Variants in TMEM178B observed in about 807,000 individuals in gnomAD.
The protein encoded by TMEM178B is transmembrane protein 178B.
A neutral mutation model predicts 31.0 loss-of-function variants in TMEM178B; 5 were observed. The observed-to-expected ratio is 0.16, with a 90% confidence interval of 0.08 to 0.34. TMEM178B has a LOEUF of 0.34. Ranked by LOEUF, TMEM178B falls within the 10% of genes least tolerant of loss-of-function variation. The pLI, the probability that TMEM178B is intolerant of heterozygous loss-of-function variation, is 1.00. For missense variants in TMEM178B, 275 were observed against 400.3 expected (o/e 0.69, Z 2.67); for synonymous variants, 164 against 164.0 (o/e 1.00, Z 0.00).
In TMEM178B at chr7:141,470,527, G is replaced by C; in HGVS notation, c.635-9G>C. 1 of 1,495,362 alleles carries C rather than the reference G, an allele frequency of 6.7e-7. No individual in the cohort carries two copies. Among genetic ancestry groups the C allele is most frequent in the Non-Finnish European group, 8.9e-7 (1 of 1,124,736 alleles). 92.6% of individuals were successfully genotyped at this position (1,495,362 alleles called of 1,614,324 possible). A position where few individuals can be genotyped will look rare whatever the true frequency, so the allele number is the denominator to read the frequency against. The stretch of plus-strand genomic sequence containing the variant: ...TTCCCCATCCTGTGTCTTTTCCCTT[G>C]TCCTCCAGGAACCTTCTGCATCATT... On this transcript the variant is annotated splice_polypyrimidine_tract_variant and intron_variant, in intron 3 of 3. Transcript: ENST00000565468.
intron 1 of TMEM178B, among the ~76,000 whole-genome samples, chr7:141,129,224 A>G (rs1375702560): frequency 1.3e-5 from 2 of 152,210 alleles, no homozygotes; most frequent in East Asian, 3.8e-4. Flanking sequence ...TGTGGATTGA[A>G]TGAATGAACT....
intron 2 of TMEM178B, among the ~76,000 whole-genome samples, chr7:141,341,099 C>T (rs1045795856): frequency 4.6e-5 from 7 of 152,182 alleles, no homozygotes; most frequent in Non-Finnish European, 5.9e-5. Flanking sequence ...GCATCTTCTA[C>T]CTTCTTCCTC....
intron 2 of TMEM178B, among the ~76,000 whole-genome samples, chr7:141,311,211 C>T (rs761257588): frequency 6.6e-5 from 10 of 152,094 alleles, no homozygotes; most frequent in Non-Finnish European, 1.0e-4. Flanking sequence ...AATACCTAGG[C>T]GATGGGTTGA....
intron 1 of TMEM178B, among the ~76,000 whole-genome samples, chr7:141,179,741 T>C (rs574835451): frequency 6.6e-6 from 1 of 152,344 alleles, no homozygotes; most frequent in East Asian, 1.9e-4. Flanking sequence ...CAGGCCATCC[T>C]GGACAAGTGT....
chr7:141,285,860 C>T (rs1450400109), intron 2 of TMEM178B, among the ~76,000 whole-genome samples: 8 of 152,132 alleles, frequency 5.3e-5, no homozygotes, highest in Admixed American at 6.5e-5. Flanking sequence ...CCAAACACCG[C>T]ATGTTCTCAC....
chr7:141,268,932 C>T (rs765054998), intron 2 of TMEM178B, among the ~76,000 whole-genome samples: 1 of 152,120 alleles, frequency 6.6e-6, no homozygotes, highest in Non-Finnish European at 1.5e-5. Flanking sequence ...GCAGAAAATG[C>T]CGTGGTGGAG....
the TMEM178B span, among the ~76,000 whole-genome samples, chr7:141,498,217 G>A: frequency 9.9e-5 from 15 of 152,172 alleles, no homozygotes; most frequent in Non-Finnish European, 2.1e-4. Context: ...CAAGAACATG[G>A]ATATCTTCTA....
rs866932377 is a variant in TMEM178B at position 141,344,602 on chromosome 7, T to C, written c.497-93006T>C. 1.7e-3 allele frequency among the ~76,000 whole-genome samples: 256 copies of C among 149,758 alleles called. 2 individuals are homozygous for C. The highest frequency in any genetic ancestry group is 6.1e-3 in the African/African-American group (246 of 40,188). ...TTCCTTCCTTCCTTCCTTCCTTCCT[T>C]CCTTCCTTCCTTCCTTCCTTCCTTC... is the stretch of plus-strand genomic sequence containing the variant. On this transcript the variant is annotated intron_variant, in intron 2 of 3. Coordinates refer to ENST00000565468, the MANE Select transcript of TMEM178B (RefSeq NM_001195278.2). This position sits in a 1 kb window ranked among gnomAD's most constrained non-coding sequence, Gnocchi z 4.1.
chr7:141,467,200 T>C (rs761447013), intron 3 of TMEM178B, among the ~76,000 whole-genome samples: 2 of 152,254 alleles, frequency 1.3e-5, no homozygotes, highest in South Asian at 2.1e-4. Context: ...GGAGTCTAGG[T>C]TGAGACCTAA....
At chr7:141,345,385 A>G (rs1005335731) in intron 2 of TMEM178B, among the ~76,000 whole-genome samples, 1 of 152,240 alleles carries the variant, frequency 6.6e-6, no homozygotes, top group African/African-American at 2.4e-5. Context: ...AAGATTTTTC[A>G]GAGAGTTTCT....
At position 141,314,555 on chromosome 7, in the gene TMEM178B, C is replaced by T. The variant is rs565103797; in HGVS notation, c.496+101851C>T. ...TGGCCCCTGTGGTCTAGCTTCTGTC[C>T]CCACCAGTCTCCCAAGATGACACAC... is the stretch of plus-strand genomic sequence containing the variant. On this transcript the variant is annotated intron_variant, in intron 2 of 3. Transcript: ENST00000565468. 2.0e-5 allele frequency among the ~76,000 whole-genome samples: 3 copies of T among 152,156 alleles called. No homozygotes were observed. The East Asian group carries it at 5.8e-4, about 29-fold the overall frequency.
intron 2 of TMEM178B, among the ~76,000 whole-genome samples, chr7:141,314,536 C>T (rs1160911740): frequency 6.6e-6 from 1 of 152,192 alleles, no homozygotes; most frequent in African/African-American, 2.4e-5. Context: ...TTTCTGGCCC[C>T]TGTGGTCTAG....
At chr7:141,182,212 C>T (rs981924731) in intron 1 of TMEM178B, among the ~76,000 whole-genome samples, 22 of 152,078 alleles carry the variant, frequency 1.4e-4, no homozygotes, top group African/African-American at 4.1e-4. Flanking sequence ...GCATGCTCGC[C>T]GGGCAGCAGC....
rs112011760 is a variant in TMEM178B at position 141,315,631 on chromosome 7, T to C, written c.496+102927T>C. 8.4e-3 allele frequency among the ~76,000 whole-genome samples: 1,283 copies of C among 152,328 alleles called. 4 individuals are homozygous for C. The highest frequency in any genetic ancestry group is 0.013 in the Non-Finnish European group (902 of 68,032). On this transcript the variant is annotated intron_variant, in intron 2 of 3. Transcript: ENST00000565468. ...TACTTTCTGGTATCTTTTGCATCTT[T>C]TGGATTTAGATTTTTTTCCCTTTTC...
intron 1 of TMEM178B, among the ~76,000 whole-genome samples, chr7:141,154,577 A>G (rs1376114532): frequency 1.3e-5 from 2 of 152,148 alleles, no homozygotes; most frequent in African/African-American, 2.4e-5. Context: ...GTTCCTGCAC[A>G]TGTGTTTTCC....
chr7:141,279,439 A>G (rs1375442445), intron 2 of TMEM178B, among the ~76,000 whole-genome samples: 2 of 152,218 alleles, frequency 1.3e-5, no homozygotes, highest in East Asian at 3.9e-4. Context: ...AGGATTTTAT[A>G]GGCCTGTGAA....
intron 2 of TMEM178B, among the ~76,000 whole-genome samples, chr7:141,345,711 A>G (rs1563157816): frequency 6.6e-6 from 1 of 152,244 alleles, no homozygotes; most frequent in Non-Finnish European, 1.5e-5. Flanking sequence ...AAAGTTAAAG[A>G]GGTTAGTTTA....
intron 2 of TMEM178B, among the ~76,000 whole-genome samples, chr7:141,427,730 A>T (rs1282317983): frequency 6.6e-6 from 1 of 152,220 alleles, no homozygotes; most frequent in African/African-American, 2.4e-5. Context: ...AAGCTTCTGT[A>T]CAGTAAAGGA....
intron 1 of TMEM178B, among the ~76,000 whole-genome samples, chr7:141,176,579 G>T (rs563406632): frequency 1.3e-5 from 2 of 152,058 alleles, no homozygotes. Flanking sequence ...CTGTGAATCC[G>T]TCTGGTCCTG....
Sources: gnomAD v4.1 joint callset for allele counts (sites outside exome capture counted in the v4.1 genomes callset) on GRCh38, gnomAD v4.1.1 for gene constraint, Gnocchi (gnomAD v3.1) non-coding constraint, MANE v1.5 for transcripts, NCBI Gene and HGNC (gene_info 2026-07-23, HGNC 2026-07-21) for gene names.